Variants in PARD3 observed in about 807,000 individuals in gnomAD.
PARD3 encodes partitioning defective 3 homolog.
PARD3 carries 75 observed loss-of-function variants against 155.4 expected under a neutral mutation model. The ratio of observed to expected loss-of-function variants is 0.48; its 90% CI spans 0.40 to 0.58. PARD3 has a LOEUF of 0.58. PARD3 is among the 20% of genes least tolerant of loss of function. The pLI is 0.00. For synonymous variants in PARD3, 576 were observed against 610.5 expected (o/e 0.94, Z 0.83); for missense variants, 1,642 against 1,721.7 (o/e 0.95, Z 0.82).
At chr10:34,603,436 G>T (rs1203247978) in intron 2 of PARD3, among the ~76,000 whole-genome samples, 1 of 152,216 alleles carries the variant, frequency 6.6e-6, no homozygotes, top group Non-Finnish European at 1.5e-5. Flanking sequence ...TGCAAAGATT[G>T]TCTCTTCTGC....
chr10:34,323,256 G>C (rs1267183271), intron 19 of PARD3, among the ~76,000 whole-genome samples: 1 of 152,186 alleles, frequency 6.6e-6, no homozygotes, highest in African/African-American at 2.4e-5. Flanking sequence ...AACATGATCT[G>C]CTCTTCTGGA....
intron 22 of PARD3, among the ~76,000 whole-genome samples, chr10:34,176,972 AGGGTATGTGTGTGTGTCG>A (rs1950058639): frequency 7.0e-6 from 1 of 143,844 alleles, no homozygotes; most frequent in South Asian, 2.2e-4. Flanking sequence ...TGTGTGTGTC[AGGGTATGTGTGTGTGTCG>A]GGGTGTGTGT....
At chr10:34,346,279 T>C in intron 15 of PARD3, 1 of 1,193,068 alleles carries the variant, frequency 8.4e-7, no homozygotes, top group Non-Finnish European at 1.1e-6. Flanking sequence ...ACTCTTCAAC[T>C]CATATATACA....
intron 2 of PARD3, among the ~76,000 whole-genome samples, chr10:34,524,093 C>A (rs2133723167): frequency 6.6e-6 from 1 of 152,152 alleles, no homozygotes; most frequent in Non-Finnish European, 1.5e-5. Context: ...AAAAACTAAC[C>A]AAACACTAAC....
intron 3 of PARD3, among the ~76,000 whole-genome samples, chr10:34,515,831 T>A (rs913491576): frequency 1.4e-4 from 22 of 152,102 alleles, no homozygotes; most frequent in African/African-American, 3.9e-4. Flanking sequence ...ATATATATAT[T>A]TTATTAACAC....
chr10:34,576,579 G>T (rs557666282), intron 2 of PARD3, among the ~76,000 whole-genome samples: 1 of 152,136 alleles, frequency 6.6e-6, no homozygotes. Flanking sequence ...ATAACAGCTG[G>T]TTTCCATTTC....
Position 34,455,697 on chromosome 10 carries a change from GAA to G in PARD3, c.583-5251_583-5250del, listed in dbSNP as rs1295896569. ...CAGAAAATTTTGGCAGTTCCTATTG[GAA>G]TAATAAACTAAATGCCTATTAAGAC... On this transcript the variant is annotated intron_variant, in intron 4 of 24. Transcript: ENST00000374788. 6.9e-4 allele frequency among the ~76,000 whole-genome samples: 105 copies of G among 152,132 alleles called. 1 individual carries two copies. The South Asian group carries it at 7.9e-3, about 11-fold the overall frequency.
chr10:34,584,252 G>A (rs997495229), intron 2 of PARD3, among the ~76,000 whole-genome samples: 7 of 152,076 alleles, frequency 4.6e-5, no homozygotes, highest in African/African-American at 1.7e-4. Context: ...ATCCCTTACT[G>A]CTTCCTAAAA....
intron 2 of PARD3, among the ~76,000 whole-genome samples, chr10:34,664,881 A>T (rs117175708): frequency 6.6e-6 from 1 of 152,118 alleles, no homozygotes; most frequent in East Asian, 1.9e-4. Context: ...CTTAGCATGT[A>T]GAATGTTGAA....
chr10:34,544,482 A>G (rs1484078940), intron 2 of PARD3, among the ~76,000 whole-genome samples: 1 of 152,156 alleles, frequency 6.6e-6, no homozygotes, highest in African/African-American at 2.4e-5. Flanking sequence ...TTAAAAAGAA[A>G]GGGTTACATA....
At chr10:34,197,513 A>AAAC (rs1951003313) in intron 22 of PARD3, among the ~76,000 whole-genome samples, 2 of 152,196 alleles carry the variant, frequency 1.3e-5, no homozygotes, top group African/African-American at 4.8e-5. Flanking sequence ...AACTTCAACA[A>AAAC]TGTAGACATC....
chr10:34,348,232 T>C (rs1434896273), intron 14 of PARD3, 117 bp from the exon 15 acceptor site: 3 of 827,864 alleles, frequency 3.6e-6, no homozygotes, highest in East Asian at 5.6e-5. Context: ...CCAAATGAAC[T>C]AGAACTTTTC....
intron 1 of PARD3, among the ~76,000 whole-genome samples, chr10:34,774,291 C>T (rs1329853941): frequency 1.3e-5 from 2 of 152,172 alleles, no homozygotes; most frequent in African/African-American, 4.8e-5. Context: ...ACGGAGTCAC[C>T]TTTTAGGCAA....
chr10:34,653,538 G>A (rs116558836), intron 2 of PARD3, among the ~76,000 whole-genome samples: 10 of 152,254 alleles, frequency 6.6e-5, no homozygotes, highest in Admixed American at 2.6e-4. Context: ...TGTATAGCAC[G>A]AGATACCACA....
chr10:34,466,448 A>C (rs1288939091), intron 4 of PARD3, among the ~76,000 whole-genome samples: 1 of 152,192 alleles, frequency 6.6e-6, no homozygotes, highest in African/African-American at 2.4e-5. Context: ...CCTGCTTAGA[A>C]ACAAGATTTT....
chr10:34,137,475 T>C (rs1947962035), intron 22 of PARD3, among the ~76,000 whole-genome samples: 2 of 152,216 alleles, frequency 1.3e-5, no homozygotes, highest in Non-Finnish European at 2.9e-5. Flanking sequence ...TCAGTCATGC[T>C]GGAACTCCAG....
At chr10:34,665,898 A>T (rs941372540) in intron 2 of PARD3, among the ~76,000 whole-genome samples, 1 of 150,474 alleles carries the variant, frequency 6.6e-6, no homozygotes, top group African/African-American at 2.5e-5. Flanking sequence ...AACAGAACAG[A>T]ACAGAACAAA....
chr10:34,797,431 C>A (rs556798432), intron 1 of PARD3, among the ~76,000 whole-genome samples: 1 of 152,170 alleles, frequency 6.6e-6, no homozygotes, highest in African/African-American at 2.4e-5. Context: ...GAATTACAGG[C>A]GTGAGGCACC....
chr10:34,795,101 G>C (rs1257729010), intron 1 of PARD3, among the ~76,000 whole-genome samples: 1 of 152,210 alleles, frequency 6.6e-6, no homozygotes, highest in Non-Finnish European at 1.5e-5. Flanking sequence ...TGACTCTTGG[G>C]ATACTGTCCA....
Sources: gnomAD v4.1 joint callset for allele counts (sites outside exome capture counted in the v4.1 genomes callset) on GRCh38, gnomAD v4.1.1 for gene constraint, MANE v1.5 for transcripts, NCBI Gene and HGNC (gene_info 2026-07-23, HGNC 2026-07-21) for gene names.